Variants in SCLT1 observed in about 807,000 individuals in gnomAD.
SCLT1 encodes sodium channel-associated protein 1.
SCLT1 carries 78 observed loss-of-function variants against 112.8 expected under a neutral mutation model. That is an observed-to-expected ratio of 0.69 (90% CI 0.58 to 0.83). SCLT1 has a LOEUF of 0.83. Ranked by LOEUF, SCLT1 falls within the 40% of genes least tolerant of loss-of-function variation. The probability of loss-of-function intolerance (pLI) is 0.00; values close to 1 mark genes in which losing one functional copy is unlikely to be tolerated. For missense variants in SCLT1, 747 were observed against 770.4 expected, an observed-to-expected ratio of 0.97 and a Z score of 0.36; for synonymous variants, 257 against 254.7, an observed-to-expected ratio of 1.01 and a Z score of -0.09.
chr4:128,950,470 A>G (rs1210974947), intron 14 of SCLT1, among the ~76,000 whole-genome samples: 1 of 152,208 alleles, frequency 6.6e-6, no homozygotes, highest in Non-Finnish European at 1.5e-5. Flanking sequence ...TACTAAAGCA[A>G]ACATTAAAAA....
chr4:129,040,225 T>C (rs529073631), intron 4 of SCLT1: 3 of 702,698 alleles, frequency 4.3e-6, no homozygotes, highest in African/African-American at 3.5e-5. Flanking sequence ...GAAACACAAT[T>C]AAACCAACAT....
At chr4:129,007,383 T>G (rs1744121105) in intron 5 of SCLT1, among the ~76,000 whole-genome samples, 1 of 152,190 alleles carries the variant, frequency 6.6e-6, no homozygotes, top group South Asian at 2.1e-4. Flanking sequence ...GTTCTGCCAT[T>G]CAGTGCTATC....
intron 5 of SCLT1, chr4:128,874,390 G>A (rs1290618155): frequency 1.3e-5 from 2 of 152,402 alleles, no homozygotes. Flanking sequence ...AGGAATGCTA[G>A]TTTTGTGCAA....
chr4:128,984,523 T>C (rs1277310359), intron 9 of SCLT1, among the ~76,000 whole-genome samples: 1 of 152,220 alleles, frequency 6.6e-6, no homozygotes, highest in East Asian at 1.9e-4. Flanking sequence ...ATTCTTCCCC[T>C]GTCCTTTAGC....
At chr4:128,899,874 A>T (rs1047792402) in intron 18 of SCLT1, among the ~76,000 whole-genome samples, 11 of 152,204 alleles carry the variant, frequency 7.2e-5, no homozygotes, top group Non-Finnish European at 1.3e-4. Context: ...ATTCTTATAC[A>T]CCAATAACAG....
At chr4:128,947,201 C>T (rs762973258) in intron 15 of SCLT1, among the ~76,000 whole-genome samples, 4 of 152,188 alleles carry the variant, frequency 2.6e-5, no homozygotes, top group Admixed American at 6.5e-5. Context: ...TTTCTCTTTA[C>T]CTGTTGTCTT....
intron 18 of SCLT1, among the ~76,000 whole-genome samples, chr4:128,929,565 T>C (rs1231316818): frequency 6.6e-6 from 1 of 152,222 alleles, no homozygotes; most frequent in Non-Finnish European, 1.5e-5. Context: ...AGGTCACTTT[T>C]CAAATCTTGT....
intron 5 of SCLT1, chr4:128,873,442 T>G (rs1732358547): frequency 6.6e-6 from 1 of 152,616 alleles, no homozygotes; most frequent in South Asian, 2.1e-4. Context: ...TAGTCAGAGT[T>G]CTAAACTCTA....
At chr4:128,980,127 T>G (rs1280090111) in intron 9 of SCLT1, among the ~76,000 whole-genome samples, 2 of 152,324 alleles carry the variant, frequency 1.3e-5, no homozygotes, top group Admixed American at 1.3e-4. Context: ...GGCAATTCTA[T>G]GACTAAGCAC....
chr4:129,054,965 T>C (rs1749214592), intron 2 of SCLT1, among the ~76,000 whole-genome samples: 1 of 152,188 alleles, frequency 6.6e-6, no homozygotes, highest in Admixed American at 6.5e-5. Flanking sequence ...TTTTTGTTGA[T>C]GTTGATGTTA....
intron 2 of SCLT1, among the ~76,000 whole-genome samples, chr4:129,065,148 A>G (rs1750365433): frequency 6.6e-6 from 1 of 151,764 alleles, no homozygotes; most frequent in Admixed American, 6.6e-5. Flanking sequence ...TTGAAGCTTG[A>G]AGTTGGGTAT....
At chr4:129,012,627 C>T (rs1420695099) in intron 5 of SCLT1, among the ~76,000 whole-genome samples, 1 of 151,934 alleles carries the variant, frequency 6.6e-6, no homozygotes, top group Non-Finnish European at 1.5e-5. Context: ...GTGTTAAAGA[C>T]TTCCACTACT....
rs1737206495 is a variant in SCLT1 at position 128,936,647 on chromosome 4, A to C, written c.1829+8T>G. 2 of 1,544,660 alleles carry C rather than the reference A, an allele frequency of 1.3e-6. No homozygotes were observed. Among genetic ancestry groups the C allele is most frequent in the Non-Finnish European group, 1.8e-6 (2 of 1,132,658 alleles). ...TAAAACATGTCAAACAACTAACAGTAGACTTACTTTAGATTATTGATTCTA... is the reference window on the plus strand; with the variant it reads ...TAAAACATGTCAAACAACTAACAGTCGACTTACTTTAGATTATTGATTCTA... On this transcript the variant is annotated splice_region_variant and intron_variant, in intron 18 of 20. Coordinates refer to ENST00000281142, the MANE Select transcript of SCLT1 (RefSeq NM_144643.4).
intron 18 of SCLT1, among the ~76,000 whole-genome samples, chr4:128,927,515 C>T (rs1736391754): frequency 6.6e-6 from 1 of 151,356 alleles, no homozygotes; most frequent in Non-Finnish European, 1.5e-5. Context: ...GTGGAGGTTG[C>T]AGTGAGCCGA....
At chr4:128,891,571 C>G (rs539765727) in intron 18 of SCLT1, among the ~76,000 whole-genome samples, 5 of 151,504 alleles carry the variant, frequency 3.3e-5, no homozygotes, top group Non-Finnish European at 2.9e-5. Context: ...TAAAAGCATA[C>G]TCATATTAAA....
intron 2 of SCLT1, among the ~76,000 whole-genome samples, chr4:129,049,647 G>C (rs1009831220): frequency 6.6e-6 from 1 of 150,856 alleles, no homozygotes; most frequent in African/African-American, 2.4e-5. Flanking sequence ...AAAAGAGACG[G>C]GGTGATTTAT....
intron 2 of SCLT1, among the ~76,000 whole-genome samples, chr4:129,060,520 T>C (rs918330411): frequency 1.3e-5 from 2 of 152,154 alleles, no homozygotes; most frequent in African/African-American, 2.4e-5. Flanking sequence ...AGTGTACCAG[T>C]TGGGAAGGGC....
Position 129,039,090 on chromosome 4 carries a change from C to A in SCLT1, c.241G>T (p.Val81Leu), listed in dbSNP as rs768552071. The change falls in exon 5 of 21, where the codon GTG (valine) becomes TTG (leucine). Residue 81 changes from valine to leucine, a missense_variant. By Grantham distance (32) the Val-to-Leu change is conservative (BLOSUM62 1). Transcript: ENST00000281142. ...TCAAGTTGTAATTTCATCTCACCCA[C>A]CTGTTTCTGAAAGAATAAAATATGG... ...NGQLKYYQKQ[V>L]GEMKLQLENV... 5.6e-6 allele frequency: 9 copies of A among 1,598,700 alleles called. No homozygotes were observed. In the East Asian group the frequency reaches 6.7e-5, roughly 12 times the overall value.
At chr4:128,983,636 G>A (rs1295948538) in intron 9 of SCLT1, among the ~76,000 whole-genome samples, 3 of 152,116 alleles carry the variant, frequency 2.0e-5, no homozygotes, top group Non-Finnish European at 4.4e-5. Flanking sequence ...GTTTGAGGAG[G>A]ATCAGGTGAA....
Sources: gnomAD v4.1 joint callset for allele counts (sites outside exome capture counted in the v4.1 genomes callset) on GRCh38, gnomAD v4.1.1 for gene constraint, MANE v1.5 for transcripts, NCBI Gene and HGNC (gene_info 2026-07-23, HGNC 2026-07-21) for gene names.